Variants in SASH1 observed in about 807,000 individuals in gnomAD.
The protein encoded by SASH1 is SAM and SH3 domain-containing protein 1.
In SASH1, 44 loss-of-function variants were observed where a neutral mutation model predicts 125.2. The ratio of observed to expected loss-of-function variants is 0.35; its 90% CI spans 0.28 to 0.45. SASH1 has a LOEUF of 0.45. Among genes scored for constraint, SASH1 ranks in the 20% least tolerant of loss-of-function variants. The pLI is 1.00. For synonymous variants in SASH1, 639 were observed against 649.1 expected (o/e 0.98, Z 0.24); for missense variants, 1,426 against 1,614.5 (o/e 0.88, Z 2.00).
chr6:148,365,985 C>T (rs1025079414), intron 1 of SASH1, among the ~76,000 whole-genome samples: 3 of 151,814 alleles, frequency 2.0e-5, no homozygotes, highest in South Asian at 2.1e-4. Flanking sequence ...TGGTGGCGTG[C>T]GCCTGTAATC....
intron 1 of SASH1, among the ~76,000 whole-genome samples, chr6:148,360,093 C>A (rs1330769735): frequency 6.6e-6 from 1 of 151,930 alleles, no homozygotes; most frequent in Non-Finnish European, 1.5e-5. Context: ...CCAAAGGAAC[C>A]AGAAATTTGG....
At chr6:148,357,092 T>C (rs571037109) in intron 1 of SASH1, among the ~76,000 whole-genome samples, 5 of 152,334 alleles carry the variant, frequency 3.3e-5, no homozygotes, top group East Asian at 3.9e-4. Context: ...TAGTTCTTTG[T>C]TGGGTGTATA....
chr6:148,276,030 T>A (rs1432611956), intron 1 of SASH1, among the ~76,000 whole-genome samples: 1 of 152,208 alleles, frequency 6.6e-6, no homozygotes, highest in Non-Finnish European at 1.5e-5. Flanking sequence ...CTACTTCTAC[T>A]TTTTTGTGTG....
intron 10 of SASH1, chr6:148,524,676 T>A (rs1191871755): frequency 6.6e-6 from 1 of 152,262 alleles, no homozygotes; most frequent in Non-Finnish European, 1.5e-5. Flanking sequence ...CTTGGGCAGT[T>A]CGATGGGAAA....
At chr6:148,384,197 C>A (rs1196130146) in intron 1 of SASH1, among the ~76,000 whole-genome samples, 3 of 152,052 alleles carry the variant, frequency 2.0e-5, no homozygotes, top group Non-Finnish European at 2.9e-5. Flanking sequence ...TCGCGTGACT[C>A]AAAATTTCAC....
intron 1 of SASH1, among the ~76,000 whole-genome samples, chr6:148,333,115 A>C (rs1271647729): frequency 6.6e-6 from 1 of 152,148 alleles, no homozygotes; most frequent in Non-Finnish European, 1.5e-5. Flanking sequence ...TATAGTCTGC[A>C]GGGGCTTTCA....
At chr6:148,252,030 G>A in the SASH1 span, among the ~76,000 whole-genome samples, 1 of 151,992 alleles carries the variant, frequency 6.6e-6, no homozygotes. Flanking sequence ...AAAGCTACAC[G>A]TTAAGTCTTA....
chr6:148,534,329 A>G (rs1401313408), intron 15 of SASH1, among the ~76,000 whole-genome samples: 1 of 152,180 alleles, frequency 6.6e-6, no homozygotes, highest in African/African-American at 2.4e-5. Flanking sequence ...CACTCCAGGC[A>G]TCTACTAGCA....
At chr6:148,376,355 C>T (rs1782891066) in intron 1 of SASH1, among the ~76,000 whole-genome samples, 1 of 152,102 alleles carries the variant, frequency 6.6e-6, no homozygotes, top group Admixed American at 6.5e-5. Flanking sequence ...AGGAGTGAGC[C>T]ACAGTGCCTC....
At chr6:148,206,793 GCACACACACACACACA>G in the SASH1 span, among the ~76,000 whole-genome samples, 6 of 134,568 alleles carry the variant, frequency 4.5e-5, no homozygotes, top group African/African-American at 8.5e-5. Context: ...CCATCTCAAA[GCACACACACACACACA>G]CACACACACA....
chr6:148,387,652 CTTTCTTTCTTTCTTTCTTTCTTTCTTTCT>C (rs1562371531), intron 1 of SASH1, among the ~76,000 whole-genome samples: 44 of 47,340 alleles, frequency 9.3e-4, no homozygotes, highest in African/African-American at 4.2e-3. Context: ...TTCTTTCTTT[CTTTCTTTCTTTCTTTCTTTCTTTCTTTCT>C]TTCTTTCTTT....
chr6:148,399,214 CTTTTTTTTTTT>C (rs371374910), intron 2 of SASH1, among the ~76,000 whole-genome samples: 37 of 106,668 alleles, frequency 3.5e-4, no homozygotes, highest in East Asian at 1.4e-3. Context: ...ATTTCAGCTT[CTTTTTTTTTTT>C]TTTTTTTTTT....
intron 2 of SASH1, among the ~76,000 whole-genome samples, chr6:148,409,959 A>T (rs1784549435): frequency 1.3e-5 from 2 of 151,990 alleles, no homozygotes; most frequent in Non-Finnish European, 2.9e-5. Flanking sequence ...ACAACAAAAA[A>T]GGAGAATAAC....
At chr6:148,513,415 T>C (rs1351662660) in intron 8 of SASH1, 1 of 985,370 alleles carries the variant, frequency 1.0e-6, no homozygotes, top group African/African-American at 1.7e-5. Context: ...AGAGATCTCT[T>C]ATGCTGTTTC....
At chr6:148,433,405 T>C (rs1776143280) in intron 2 of SASH1, among the ~76,000 whole-genome samples, 1 of 133,034 alleles carries the variant, frequency 7.5e-6, no homozygotes, top group Admixed American at 7.7e-5. Flanking sequence ...GTTTCTTTTT[T>C]CTTTTTTTTT....
At chr6:148,276,087 A>G (rs1779175349) in intron 1 of SASH1, among the ~76,000 whole-genome samples, 1 of 152,174 alleles carries the variant, frequency 6.6e-6, no homozygotes, top group African/African-American at 2.4e-5. Context: ...AGAGTTAGAG[A>G]GTATAGGCAC....
chr6:148,406,611 A>G (rs995852755), intron 2 of SASH1, among the ~76,000 whole-genome samples: 1 of 152,220 alleles, frequency 6.6e-6, no homozygotes, highest in Admixed American at 6.5e-5. Context: ...GTCTGGCCCC[A>G]AGAGACAGGT....
chr6:148,280,121 G>A (rs143883344), intron 1 of SASH1, among the ~76,000 whole-genome samples: 1,850 of 141,192 alleles, frequency 0.013, 19 homozygotes, highest in Non-Finnish European at 0.019. Context: ...TTTCAACACG[G>A]CAAGGATTGT....
intron 5 of SASH1, among the ~76,000 whole-genome samples, chr6:148,470,497 T>C (rs982002588): frequency 1.3e-5 from 2 of 152,366 alleles, no homozygotes; most frequent in Non-Finnish European, 2.9e-5. Flanking sequence ...CAGACACCGC[T>C]GCTGCTGCTT....
Sources: gnomAD v4.1 joint callset for allele counts (sites outside exome capture counted in the v4.1 genomes callset) on GRCh38, gnomAD v4.1.1 for gene constraint, MANE v1.5 for transcripts, NCBI Gene and HGNC (gene_info 2026-07-23, HGNC 2026-07-21) for gene names.